The following ZNF827 variants were observed in gnomAD, a reference collection of about 807,000 sequenced individuals.
The protein encoded by ZNF827 is zinc finger protein 827.
In ZNF827, 13 loss-of-function variants were observed where a neutral mutation model predicts 102.4. The observed-to-expected ratio is 0.13, with a 90% CI of 0.08 to 0.20. The LOEUF (loss-of-function observed/expected upper bound fraction) is 0.20. Among genes scored for constraint, ZNF827 ranks in the 10% least tolerant of loss-of-function variants. ZNF827 has a pLI of 1.00. For missense variants in ZNF827, 1,103 were observed against 1,344.4 expected, an observed-to-expected ratio of 0.82 and a Z score of 2.81; for synonymous variants, 523 against 536.2, an observed-to-expected ratio of 0.98 and a Z score of 0.34.
At chr4:145,797,358 G>T (rs1490586485) in intron 8 of ZNF827, among the ~76,000 whole-genome samples, 7 of 152,130 alleles carry the variant, frequency 4.6e-5, no homozygotes, top group African/African-American at 1.4e-4. Flanking sequence ...AATTATTTTA[G>T]GAAGCTTCAC....
intron 5 of ZNF827, among the ~76,000 whole-genome samples, chr4:145,866,344 T>C (rs1319567895): frequency 6.6e-6 from 1 of 152,254 alleles, no homozygotes; most frequent in Admixed American, 6.5e-5. Flanking sequence ...TACTCAAGTT[T>C]ACCTGTTTCT....
At position 145,760,181 on chromosome 4, in the gene ZNF827, C is replaced by T. The variant is rs1484849587; in HGVS notation, c.*1435G>A. 6.6e-6 allele frequency: 1 copy of T among 152,184 alleles called. No individual in the cohort carries two copies. The highest frequency in any genetic ancestry group is 1.5e-5 in the Non-Finnish European group (1 of 68,070). 9.4% of individuals were successfully genotyped at this position (152,184 alleles called of 1,614,324 possible). On this transcript the variant is annotated 3_prime_UTR_variant, in exon 15 of 15. Coordinates refer to ENST00000508784, the MANE Select transcript of ZNF827 (RefSeq NM_001306215.2). Reference sequence around the variant, plus strand: ...GCACCAGGCCCTACCACTCTGTAGCCATCAAAGAGAGAGGGAAAGGTGATG... The same window carrying T: ...GCACCAGGCCCTACCACTCTGTAGCTATCAAAGAGAGAGGGAAAGGTGATG...
At chr4:145,893,020 A>G (rs1473598803) in intron 2 of ZNF827, among the ~76,000 whole-genome samples, 2 of 152,198 alleles carry the variant, frequency 1.3e-5, no homozygotes, top group African/African-American at 4.8e-5. Context: ...TTTAGCCATC[A>G]GGGGGTCTTA....
At chr4:145,922,579 T>C (rs983000243) in intron 1 of ZNF827, among the ~76,000 whole-genome samples, 1 of 152,234 alleles carries the variant, frequency 6.6e-6, no homozygotes, top group Non-Finnish European at 1.5e-5. Context: ...TTATTTTCAT[T>C]GAAGACTGAC....
chr4:145,922,387 G>A (rs1435363634), intron 1 of ZNF827, among the ~76,000 whole-genome samples: 1 of 152,156 alleles, frequency 6.6e-6, no homozygotes, highest in Non-Finnish European at 1.5e-5. Flanking sequence ...CAAAAGCAAT[G>A]ACGGGTAAAA....
rs200461563 is a variant in ZNF827, at chr4:145,885,610, C to CAGAG, written c.1747+64_1747+67dup. The CAGAG allele has an allele frequency of 3.2e-3, 3,717 of 1,172,752 alleles. 27 individuals are homozygous for CAGAG. Among genetic ancestry groups the CAGAG allele is most frequent in the East Asian group, 0.03 (1,049 of 34,846 alleles). The allele number at this position is 1,172,752 out of a possible 1,614,324, so 72.6% of individuals were successfully genotyped here. On this transcript the variant is annotated intron_variant, in intron 4 of 14. Transcript: ENST00000508784. Reference sequence around the variant, plus strand: ...AAATAAGAATACTGGTAGACAGAGACAGAGAGAGAGAGAGAGAGAGAGAGA... The same window carrying CAGAG: ...AAATAAGAATACTGGTAGACAGAGACAGAGAGAGAGAGAGAGAGAGAGAGAGAGA...
chr4:145,776,124 C>T (rs1007040376), intron 9 of ZNF827, among the ~76,000 whole-genome samples, 164 bp from the exon 10 acceptor site: 2 of 152,132 alleles, frequency 1.3e-5, no homozygotes, highest in African/African-American at 4.8e-5. Flanking sequence ...AAAGTCTTTA[C>T]CCAGCAGGTC....
Position 145,761,121 on chromosome 4 carries a change from C to T in ZNF827, c.*495G>A, listed in dbSNP as rs768693486. 408 of 1,289,438 alleles carry T rather than the reference C, an allele frequency of 3.2e-4. No individual in the cohort carries two copies. Among genetic ancestry groups the T allele is most frequent in the Non-Finnish European group, 3.8e-4 (375 of 988,706 alleles). 79.9% of individuals were successfully genotyped at this position (1,289,438 alleles called of 1,614,324 possible). ...TCCGGGAGCTCCCGACCACCAGGAGCGGGGCCCCCGGGCCGGCCGGTTCCT... is the reference window on the plus strand; with the variant it reads ...TCCGGGAGCTCCCGACCACCAGGAGTGGGGCCCCCGGGCCGGCCGGTTCCT... On this transcript the variant is annotated 3_prime_UTR_variant, in exon 15 of 15. Transcript: ENST00000508784. This position sits in a 1 kb window ranked among gnomAD's most constrained non-coding sequence, Gnocchi z 6.8.
At chr4:145,901,614 G>C (rs1751422910) in intron 2 of ZNF827, among the ~76,000 whole-genome samples, 1 of 152,186 alleles carries the variant, frequency 6.6e-6, no homozygotes, top group South Asian at 2.1e-4. Flanking sequence ...AATTGTAGGA[G>C]AATAGGATAC....
chr4:145,774,367 T>C, intron 11 of ZNF827, 139 bp downstream of exon 11: 1 of 926,764 alleles, frequency 1.1e-6, no homozygotes, highest in South Asian at 1.7e-5. Flanking sequence ...GTGGCTTTCA[T>C]GCCTTGGGAA....
At chr4:145,817,265 G>A (rs567567534) in intron 8 of ZNF827, among the ~76,000 whole-genome samples, 8 of 152,270 alleles carry the variant, frequency 5.3e-5, no homozygotes, top group Non-Finnish European at 1.0e-4. Flanking sequence ...AATTTTAGCA[G>A]TAAAGCCCCT....
At chr4:145,878,078 C>T (rs1378341863) in intron 4 of ZNF827, among the ~76,000 whole-genome samples, 1 of 152,176 alleles carries the variant, frequency 6.6e-6, no homozygotes, top group African/African-American at 2.4e-5. Context: ...CTATACTTGT[C>T]ATTTTAAATT....
chr4:145,809,069 G>A (rs1467291061), intron 8 of ZNF827, among the ~76,000 whole-genome samples: 1 of 152,182 alleles, frequency 6.6e-6, no homozygotes, highest in African/African-American at 2.4e-5. Context: ...CCAAAGCATT[G>A]GGATTACAAG....
chr4:145,911,465 T>C (rs896708908), intron 1 of ZNF827, among the ~76,000 whole-genome samples: 3 of 152,224 alleles, frequency 2.0e-5, no homozygotes, highest in Admixed American at 1.3e-4. Flanking sequence ...ACTATCATTA[T>C]TACTGCTATT....
At chr4:145,922,665 G>T (rs1430843852) in intron 1 of ZNF827, among the ~76,000 whole-genome samples, 4 of 152,172 alleles carry the variant, frequency 2.6e-5, no homozygotes, top group African/African-American at 9.7e-5. Flanking sequence ...ACCAAAGTAC[G>T]GTGGCTGTCT....
intron 11 of ZNF827, among the ~76,000 whole-genome samples, chr4:145,772,015 G>A (rs1736364866): frequency 6.6e-6 from 1 of 152,182 alleles, no homozygotes; most frequent in Non-Finnish European, 1.5e-5. Context: ...ACTACTTATG[G>A]TACCATAGGG....
At chr4:145,882,249 A>G (rs749425714) in intron 4 of ZNF827, among the ~76,000 whole-genome samples, 4 of 152,204 alleles carry the variant, frequency 2.6e-5, no homozygotes, top group African/African-American at 4.8e-5. Context: ...CTGCTGGAAC[A>G]TACAGGCCTG....
At chr4:145,865,834 T>G (rs1307180123) in intron 5 of ZNF827, among the ~76,000 whole-genome samples, 1 of 152,208 alleles carries the variant, frequency 6.6e-6, no homozygotes, top group African/African-American at 2.4e-5. Flanking sequence ...CAGCCACATC[T>G]GCCCAACATG....
chr4:145,938,592 GT>G lies in ZNF827; in HGVS notation c.-186del. On this transcript the variant is annotated 5_prime_UTR_variant, in exon 1 of 15. Coordinates refer to ENST00000508784, the MANE Select transcript of ZNF827 (RefSeq NM_001306215.2). ...CTTGTTTCCTGGAGCCAGAAGAGGG[GT>G]TTTCTTCTTTTCTTTCCTTTCTTTT... 5.7e-6 allele frequency: 3 copies of G among 522,830 alleles called. No homozygotes were observed. In the South Asian group the frequency reaches 8.5e-5, roughly 15 times the overall value. 32.4% of individuals were successfully genotyped at this position (522,830 alleles called of 1,614,324 possible).
Sources: gnomAD v4.1 joint callset for allele counts (sites outside exome capture counted in the v4.1 genomes callset) on GRCh38, gnomAD v4.1.1 for gene constraint, Gnocchi (gnomAD v3.1) non-coding constraint, MANE v1.5 for transcripts, NCBI Gene and HGNC (gene_info 2026-07-23, HGNC 2026-07-21) for gene names.